Variants in WDR64 observed in about 807,000 individuals in gnomAD.
The protein encoded by WDR64 is WD repeat domain 64, also known as WD repeat-containing protein 64.
WDR64 carries 112 observed loss-of-function variants against 139.3 expected under a neutral mutation model. That is an observed-to-expected ratio of 0.80 (90% CI 0.69 to 0.94). The LOEUF (loss-of-function observed/expected upper bound fraction) is 0.94. Ranked by LOEUF, WDR64 falls within the 40% of genes least tolerant of loss-of-function variation. The pLI is 0.00. For missense variants in WDR64, 1,206 were observed against 1,293.1 expected, an observed-to-expected ratio of 0.93 and a Z score of 1.03; for synonymous variants, 444 against 437.7, an observed-to-expected ratio of 1.01 and a Z score of -0.18.
chr1:241,689,254 G>GA (rs1490726846), intron 8 of WDR64, among the ~76,000 whole-genome samples: 1 of 151,804 alleles, frequency 6.6e-6, no homozygotes, highest in East Asian at 1.9e-4. Context: ...CAGCTATCAA[G>GA]AAAAAAATTA....
intron 6 of WDR64, among the ~76,000 whole-genome samples, chr1:241,681,886 T>C (rs1203126830): frequency 6.6e-6 from 1 of 152,146 alleles, no homozygotes; most frequent in Non-Finnish European, 1.5e-5. Context: ...TTGACGCTGA[T>C]CATTTTTTTC....
chr1:241,784,072 T>C (rs955426689), intron 23 of WDR64, among the ~76,000 whole-genome samples: 1 of 152,200 alleles, frequency 6.6e-6, no homozygotes. Flanking sequence ...AGGAATATTT[T>C]ATGCTGCATA....
chr1:241,779,912 T>C (rs969357575), intron 21 of WDR64, 92 bp from the exon 22 acceptor site: 2 of 905,288 alleles, frequency 2.2e-6, no homozygotes, highest in African/African-American at 3.5e-5. Flanking sequence ...TATTCAGCAT[T>C]ATAAATACCT....
At chr1:241,746,412 C>T (rs1669756340) in intron 13 of WDR64, among the ~76,000 whole-genome samples, 1 of 152,082 alleles carries the variant, frequency 6.6e-6, no homozygotes, top group Non-Finnish European at 1.5e-5. Context: ...TTTATCATCC[C>T]TCTGGCCCCT....
At chr1:241,781,945 C>T (rs975213586) in intron 22 of WDR64, among the ~76,000 whole-genome samples, 2 of 152,156 alleles carry the variant, frequency 1.3e-5, no homozygotes, top group Admixed American at 1.3e-4. Context: ...CATCCTAAGG[C>T]AGAGAAAGAA....
intron 10 of WDR64, among the ~76,000 whole-genome samples, chr1:241,724,898 C>T (rs1043812998): frequency 2.0e-5 from 3 of 152,074 alleles, no homozygotes; most frequent in Admixed American, 6.6e-5. Flanking sequence ...ATTTTACACA[C>T]GTCAGGGAAA....
chr1:241,730,272 G>A (rs1381936995), intron 10 of WDR64, among the ~76,000 whole-genome samples: 1 of 152,140 alleles, frequency 6.6e-6, no homozygotes, highest in African/African-American at 2.4e-5. Context: ...TGAGTCCTGG[G>A]AGCAAACATG....
intron 21 of WDR64, among the ~76,000 whole-genome samples, chr1:241,776,730 T>C (rs1401031194): frequency 1.3e-5 from 2 of 152,234 alleles, no homozygotes; most frequent in African/African-American, 4.8e-5. Context: ...GCATTAACTT[T>C]GCCTAGTATG....
At chr1:241,671,840 C>T (rs1666242656) in intron 3 of WDR64, among the ~76,000 whole-genome samples, 1 of 152,132 alleles carries the variant, frequency 6.6e-6, no homozygotes, top group Admixed American at 6.5e-5. Flanking sequence ...CATTTCCTCT[C>T]ATATTCTGAG....
At chr1:241,795,329 A>T (rs1272317094) in intron 26 of WDR64, 42 bp downstream of exon 26, 1 of 1,543,638 alleles carries the variant, frequency 6.5e-7, no homozygotes, top group South Asian at 1.2e-5. Context: ...ACAGAACAGT[A>T]GAGAATCTGC....
In WDR64 at chr1:241,703,734, T is replaced by G. The variant is rs765739418; in HGVS notation, c.975-8068T>G. On this transcript the variant is annotated intron_variant, in intron 8 of 27. Transcript: ENST00000437684. This position sits in a 1 kb window ranked among gnomAD's most constrained non-coding sequence, Gnocchi z 5.9. ...TATAAAGATACTATCTGAGACTCAA[T>G]AATTTGTAAAGGAAAGAGGTTAATT... 6.6e-6 allele frequency among the ~76,000 whole-genome samples: 1 copy of G among 152,174 alleles called. No homozygotes were observed. Among genetic ancestry groups the G allele is most frequent in the Non-Finnish European group, 1.5e-5 (1 of 68,034 alleles).
intron 15 of WDR64, among the ~76,000 whole-genome samples, chr1:241,759,264 T>C (rs1360320974): frequency 1.3e-5 from 2 of 152,182 alleles, no homozygotes; most frequent in Non-Finnish European, 2.9e-5. Context: ...ATGTGGAATG[T>C]ACTGTCAAAT....
chr1:241,796,641 C>T (rs563961087), intron 27 of WDR64, among the ~76,000 whole-genome samples: 4 of 152,204 alleles, frequency 2.6e-5, no homozygotes, highest in African/African-American at 7.2e-5. Context: ...TACAGGCATG[C>T]GCCACTGTGT....
At chr1:241,768,949 A>C (rs1241503579) in intron 16 of WDR64, among the ~76,000 whole-genome samples, 1 of 152,122 alleles carries the variant, frequency 6.6e-6, no homozygotes, top group Non-Finnish European at 1.5e-5. Flanking sequence ...TTATTTAAAA[A>C]ATATTAGAAC....
intron 8 of WDR64, among the ~76,000 whole-genome samples, chr1:241,700,541 G>T (rs747292401): frequency 3.3e-5 from 5 of 152,134 alleles, no homozygotes; most frequent in Admixed American, 6.5e-5. Context: ...CAGGCTTCTG[G>T]CTGGGAGGAC....
chr1:241,780,862 G>C (rs1347799500), intron 22 of WDR64, among the ~76,000 whole-genome samples: 3 of 152,118 alleles, frequency 2.0e-5, no homozygotes, highest in Non-Finnish European at 2.9e-5. Flanking sequence ...TCAGGGCCAG[G>C]GTCGGGGTTC....
chr1:241,744,515 T>C lies in WDR64; in HGVS notation c.1593T>C (p.Asn531=), dbSNP rs10802990. The change falls in exon 13 of 28, where the codon AAT becomes AAC. Residue 531 remains asparagine, a splice_region_variant and synonymous_variant. Coordinates refer to ENST00000437684, the MANE Select transcript of WDR64 (RefSeq NM_001367482.1). ...TTCTTTTTGCCACAGGAGCGTATAA[T>C]GGTCAGACTAACATCCAGAATGTGG... The part of the protein sequence containing the change: ...SGFLFATGAY[N]GTVRIWDFGS... 847,636 of 1,613,512 alleles carry C rather than the reference T, an allele frequency of 0.53. 226,438 individuals carry two copies. Among genetic ancestry groups the C allele is most frequent in the African/African-American group, 0.78 (58,813 of 74,924 alleles).
intron 8 of WDR64, among the ~76,000 whole-genome samples, chr1:241,701,970 A>G (rs950129660): frequency 4.6e-5 from 7 of 152,250 alleles, no homozygotes; most frequent in African/African-American, 1.7e-4. Flanking sequence ...CCAAGAAGAC[A>G]GGAAAAAAAT....
At chr1:241,701,276 G>A (rs530684077) in intron 8 of WDR64, among the ~76,000 whole-genome samples, 66 of 148,452 alleles carry the variant, frequency 4.4e-4, no homozygotes, top group South Asian at 1.7e-3. Context: ...GTGCACATGC[G>A]CGCACACACA....
Sources: allele counts gnomAD v4.1 joint callset (sites outside exome capture counted in the v4.1 genomes callset), GRCh38; gene constraint gnomAD v4.1.1; non-coding constraint Gnocchi (gnomAD v3.1); transcripts MANE v1.5; gene names NCBI Gene and HGNC (gene_info 2026-07-23, HGNC 2026-07-21).